The following DENND2C variants were observed in gnomAD, a reference collection of about 807,000 sequenced individuals.
DENND2C encodes the protein DENN domain-containing protein 2C.
Under a neutral mutation model 112.4 loss-of-function variants are expected in DENND2C, and 72 were observed. That is an observed-to-expected ratio of 0.64 (90% confidence interval 0.53 to 0.78). DENND2C has a LOEUF of 0.78. Among genes scored for constraint, DENND2C ranks in the 30% least tolerant of loss-of-function variants. DENND2C has a pLI of 0.00. For synonymous variants in DENND2C, 329 were observed against 381.6 expected (o/e 0.86, Z 1.61); for missense variants, 992 against 1,113.8 (o/e 0.89, Z 1.56).
intron 1 of DENND2C, among the ~76,000 whole-genome samples, chr1:114,660,010 C>G (rs546192196): frequency 6.6e-6 from 1 of 152,216 alleles, no homozygotes; most frequent in South Asian, 2.1e-4. Flanking sequence ...AGGCTGGTCT[C>G]AAACTCATGG....
intron 18 of DENND2C, chr1:114,588,452 A>G (rs1370172297): frequency 6.5e-6 from 1 of 154,012 alleles, no homozygotes; most frequent in Non-Finnish European, 1.4e-5. Context: ...CCTCTTCAAC[A>G]TTCCCTTCCG....
rs534988238 is a variant in DENND2C, at chr1:114,610,414, C to T, written c.1369+659G>A. 2.0e-5 allele frequency among the ~76,000 whole-genome samples: 3 copies of T among 152,152 alleles called. No individual in the cohort carries two copies. The East Asian group carries it at 5.8e-4, about 29-fold the overall frequency. ...ACTTGAGTGGCTATAAAAAATCAGACATTTGGCTGGGTGCGGTGGCTCACG... is the reference window on the plus strand; with the variant it reads ...ACTTGAGTGGCTATAAAAAATCAGATATTTGGCTGGGTGCGGTGGCTCACG... On this transcript the variant is annotated intron_variant, in intron 9 of 20. Transcript: ENST00000393274.
chr1:114,660,035 C>G (rs1474437593), intron 1 of DENND2C, among the ~76,000 whole-genome samples: 1 of 152,154 alleles, frequency 6.6e-6, no homozygotes, highest in African/African-American at 2.4e-5. Flanking sequence ...AAGTGATACT[C>G]CAGCCTCAGC....
intron 13 of DENND2C, 113 bp from the exon 14 acceptor site, chr1:114,601,073 T>G (rs1655491897): frequency 8.6e-7 from 1 of 1,160,814 alleles, no homozygotes; most frequent in South Asian, 1.8e-5. Flanking sequence ...CAAATAAAAT[T>G]TAAGACAGAT....
chr1:114,650,625 G>C (rs1302059448), intron 2 of DENND2C, among the ~76,000 whole-genome samples: 3 of 130,076 alleles, frequency 2.3e-5, no homozygotes, highest in Non-Finnish European at 4.6e-5. Context: ...AGTGAGCTGA[G>C]ATTGCGCCAC....
At position 114,594,159 on chromosome 1, in the gene DENND2C, A is replaced by G. The variant is rs547613765; in HGVS notation, c.2431+314T>C. Among the ~76,000 whole-genome samples, 5 of 152,332 alleles carry G rather than the reference A, an allele frequency of 3.3e-5. No homozygotes were observed. In the East Asian group the frequency reaches 9.6e-4, roughly 29 times the overall value. On this transcript the variant is annotated intron_variant, in intron 18 of 20. Transcript: ENST00000393274. ...AAGGAGCACTAGAGGAATGGGTACA[A>G]TTTAATATAGGACAGTCAGGAAGGG...
chr1:114,630,493 A>G (rs1380205649), intron 3 of DENND2C, among the ~76,000 whole-genome samples: 3 of 152,038 alleles, frequency 2.0e-5, no homozygotes, highest in African/African-American at 7.3e-5. Flanking sequence ...TGATCCCTGA[A>G]AGAAGAGAGG....
chr1:114,619,004 T>C (rs988136355), intron 7 of DENND2C, among the ~76,000 whole-genome samples: 11 of 152,364 alleles, frequency 7.2e-5, no homozygotes, highest in African/African-American at 2.6e-4. Flanking sequence ...GTCATAAAAT[T>C]AGGAGAGCCA....
intron 3 of DENND2C, among the ~76,000 whole-genome samples, chr1:114,636,642 G>A (rs1357838948): frequency 6.6e-6 from 1 of 152,100 alleles, no homozygotes; most frequent in Non-Finnish European, 1.5e-5. Context: ...ATTCCAGCCT[G>A]GGTGACAGAG....
chr1:114,599,276 C>T lies in DENND2C; in HGVS notation c.2281G>A (p.Glu761Lys), dbSNP rs1177920240. ...LPQLQDLPIEEVLIVDLCADK... is the reference protein window; with the variant it reads ...LPQLQDLPIEKVLIVDLCADK... ...TAGGTTCCATTCTTCTATCTCACCT[C>T]TTCAATGGGTAGGTCCTGGAGCTGT... Residue 761 changes from glutamate to lysine, a missense_variant and splice_region_variant, in exon 16 of 21, where the codon GAG becomes AAG. Transcript: ENST00000393274. The T allele has an allele frequency of 6.2e-7, 1 of 1,605,298 alleles. No homozygotes were observed. Among genetic ancestry groups the T allele is most frequent in the Non-Finnish European group, 8.5e-7 (1 of 1,174,354 alleles).
chr1:114,620,063 T>TG (rs1194475981), intron 7 of DENND2C, among the ~76,000 whole-genome samples: 2 of 152,046 alleles, frequency 1.3e-5, no homozygotes, highest in Non-Finnish European at 2.9e-5. Context: ...AAGAGGCAAA[T>TG]GGACTAGATC....
At chr1:114,629,203 C>T (rs1656423549) in intron 3 of DENND2C, among the ~76,000 whole-genome samples, 1 of 152,170 alleles carries the variant, frequency 6.6e-6, no homozygotes, top group Non-Finnish European at 1.5e-5. Context: ...AATGGACAAT[C>T]TCAACAAAAG....
intron 3 of DENND2C, among the ~76,000 whole-genome samples, chr1:114,636,106 T>C (rs1034519817): frequency 1.3e-5 from 2 of 151,358 alleles, no homozygotes; most frequent in African/African-American, 2.4e-5. Flanking sequence ...GAATGCAAGG[T>C]TGCTTTAACA....
intron 3 of DENND2C, among the ~76,000 whole-genome samples, chr1:114,626,510 CTTT>C (rs11412901): frequency 3.3e-5 from 4 of 122,864 alleles, no homozygotes; most frequent in Non-Finnish European, 3.3e-5. Flanking sequence ...TAAATTAATT[CTTT>C]TTTTTTTTTT....
rs1656898445 is a variant in DENND2C, at chr1:114,643,402, A to G, written c.-205+2046T>C. Reference sequence around the variant, plus strand: ...TAAAGCCCACAGGAATATATCTTGCATAAGATTCTTCATTAAATGTGGCTA... The same window carrying G: ...TAAAGCCCACAGGAATATATCTTGCGTAAGATTCTTCATTAAATGTGGCTA... On this transcript the variant is annotated intron_variant, in intron 3 of 20. Transcript: ENST00000393274. Among the ~76,000 whole-genome samples the G allele has an allele frequency of 2.0e-5, 3 of 152,338 alleles. 1 individual carries two copies. In the South Asian group the frequency reaches 6.2e-4, roughly 32 times the overall value.
chr1:114,654,026 T>C lies in DENND2C; in HGVS notation c.-317+479A>G, dbSNP rs139644048. Among the ~76,000 whole-genome samples the C allele has an allele frequency of 3.8e-3, 574 of 152,354 alleles. 7 individuals carry two copies. The highest frequency in any genetic ancestry group is 0.013 in the African/African-American group (530 of 41,580). Reference sequence around the variant, plus strand: ...ATAAATTAACTTTAATCTGTAAGAATAAATAGAATTTATAGTTAATATGGA... The same window carrying C: ...ATAAATTAACTTTAATCTGTAAGAACAAATAGAATTTATAGTTAATATGGA... On this transcript the variant is annotated intron_variant, in intron 2 of 20. Transcript: ENST00000393274.
chr1:114,600,910 G>C lies in DENND2C; in HGVS notation c.1866C>G (p.Tyr622Ter). The change falls in exon 14 of 21, where the codon TAC becomes TAG. Residue 622 changes from tyrosine to a stop codon, truncating the protein, a stop_gained. Transcript: ENST00000393274. LOFTEE classifies it high-confidence loss of function. ...CTTCCATGACACTTCGCATGAATGG[G>C]TAAACAAGGGCTGGAGACATTTCTC... The part of the protein sequence containing the change: ...KRREMSPALV[Y>*]PFMRSVMEAP... The C allele has an allele frequency of 6.2e-7, 1 of 1,613,976 alleles. No individual in the cohort carries two copies. Among genetic ancestry groups the C allele is most frequent in the Non-Finnish European group, 8.5e-7 (1 of 1,179,908 alleles).
chr1:114,657,434 T>C (rs1394801892), intron 1 of DENND2C, among the ~76,000 whole-genome samples: 1 of 152,164 alleles, frequency 6.6e-6, no homozygotes, highest in East Asian at 1.9e-4. Flanking sequence ...TTTAGGTAAG[T>C]CCTCATGTAT....
chr1:114,600,133 A>G, intron 15 of DENND2C, 71 bp downstream of exon 15: 1 of 1,527,612 alleles, frequency 6.5e-7, no homozygotes, highest in Non-Finnish European at 8.8e-7. Context: ...AATAAAAAAA[A>G]ATGCCCCAAT....
Sources: gnomAD v4.1 joint callset for allele counts (sites outside exome capture counted in the v4.1 genomes callset) on GRCh38, gnomAD v4.1.1 for gene constraint, MANE v1.5 for transcripts, NCBI Gene and HGNC (gene_info 2026-07-23, HGNC 2026-07-21) for gene names.